ZBTB20: variants seen among roughly 807,000 people sequenced by gnomAD.
ZBTB20 encodes the protein zinc finger and BTB domain-containing protein 20.
Under a neutral mutation model 56.9 loss-of-function variants are expected in ZBTB20, and 9 were observed. The ratio of observed to expected loss-of-function variants is 0.16; its 90% confidence interval spans 0.10 to 0.28. The LOEUF is 0.28. Among genes scored for constraint, ZBTB20 ranks in the 10% least tolerant of loss-of-function variants. The pLI is 1.00. For missense variants in ZBTB20, 655 were observed against 1,003.0 expected (o/e 0.65, Z 4.69); for synonymous variants, 417 against 420.7 (o/e 0.99, Z 0.11).
At chr3:114,727,194 A>T (rs2065370643) in intron 5 of ZBTB20, among the ~76,000 whole-genome samples, 1 of 152,122 alleles carries the variant, frequency 6.6e-6, no homozygotes, top group Non-Finnish European at 1.5e-5. Context: ...GATCAAAAGG[A>T]GCCCAGGCCC....
At chr3:115,083,117 A>T (rs2082856754) in intron 1 of ZBTB20, among the ~76,000 whole-genome samples, 1 of 152,032 alleles carries the variant, frequency 6.6e-6, no homozygotes, top group African/African-American at 2.4e-5. Context: ...AGCTACATAT[A>T]ACTCTTATCT....
chr3:114,857,072 T>C (rs945069157), intron 4 of ZBTB20, among the ~76,000 whole-genome samples: 11 of 152,166 alleles, frequency 7.2e-5, no homozygotes, highest in Admixed American at 5.9e-4. Context: ...TTCCACTTCC[T>C]GATTCTTTTC....
intron 7 of ZBTB20, among the ~76,000 whole-genome samples, chr3:114,458,709 G>T (rs1202425447): frequency 6.6e-6 from 1 of 151,400 alleles, no homozygotes; most frequent in South Asian, 2.1e-4. Flanking sequence ...CCATTTATTA[G>T]CTCTGACTTA....
At chr3:115,120,998 G>C (rs762797457) in intron 1 of ZBTB20, among the ~76,000 whole-genome samples, 3 of 152,062 alleles carry the variant, frequency 2.0e-5, no homozygotes, top group Non-Finnish European at 4.4e-5. Flanking sequence ...GAATCAACAG[G>C]AAGTGATGAC....
chr3:115,069,052 A>C (rs2082310118), intron 2 of ZBTB20, among the ~76,000 whole-genome samples: 1 of 152,148 alleles, frequency 6.6e-6, no homozygotes, highest in African/African-American at 2.4e-5. Flanking sequence ...GGAGGAAAAC[A>C]GGATATGAAA....
At chr3:114,779,924 G>A (rs2069942648) in intron 5 of ZBTB20, among the ~76,000 whole-genome samples, 1 of 152,054 alleles carries the variant, frequency 6.6e-6, no homozygotes, top group African/African-American at 2.4e-5. Context: ...GGTCTTCAAA[G>A]TGGGTAGATT....
rs542194833 is a variant in ZBTB20 at position 115,099,285 on chromosome 3, C to T, written c.-702-27871G>A. Reference sequence around the variant, plus strand: ...TTGTTGTGCAAGATGGCCTGATACACTTCATAGCTTCCACTTTGTAAAAAG... The same window carrying T: ...TTGTTGTGCAAGATGGCCTGATACATTTCATAGCTTCCACTTTGTAAAAAG... On this transcript the variant is annotated intron_variant, in intron 1 of 11. Coordinates refer to ENST00000675478, the MANE Select transcript of ZBTB20 (RefSeq NM_001348800.3). 3.3e-5 allele frequency among the ~76,000 whole-genome samples: 5 copies of T among 152,236 alleles called. No homozygotes were observed. The East Asian group carries it at 5.8e-4, about 18-fold the overall frequency.
intron 6 of ZBTB20, among the ~76,000 whole-genome samples, chr3:114,504,363 A>G (rs2044353285): frequency 6.6e-6 from 1 of 152,160 alleles, no homozygotes; most frequent in Admixed American, 6.5e-5. Context: ...AAATTTGGAT[A>G]TGAGTATACC....
intron 6 of ZBTB20, chr3:114,688,194 CA>C (rs1449177890): frequency 1.3e-5 from 2 of 152,124 alleles, no homozygotes; most frequent in African/African-American, 4.8e-5. Context: ...TGCACCACTG[CA>C]ATCCAGCCTG....
intron 7 of ZBTB20, among the ~76,000 whole-genome samples, chr3:114,434,867 G>A (rs2090407096): frequency 6.6e-6 from 1 of 152,084 alleles, no homozygotes; most frequent in Non-Finnish European, 1.5e-5. Flanking sequence ...CAGGTGGGAG[G>A]CAATCCCATA....
chr3:114,659,250 C>A (rs957395794), intron 6 of ZBTB20, among the ~76,000 whole-genome samples: 4 of 152,146 alleles, frequency 2.6e-5, no homozygotes, highest in African/African-American at 9.7e-5. Flanking sequence ...GTTCTCACTG[C>A]CTTATCTAAC....
chr3:114,907,636 T>C (rs1443505308), intron 3 of ZBTB20, among the ~76,000 whole-genome samples: 2 of 151,904 alleles, frequency 1.3e-5, no homozygotes, highest in Non-Finnish European at 2.9e-5. Flanking sequence ...GACCATCGTC[T>C]TCATGAGGGC....
chr3:115,005,773 C>G (rs2079440537), intron 2 of ZBTB20, among the ~76,000 whole-genome samples: 1 of 151,780 alleles, frequency 6.6e-6, no homozygotes, highest in Non-Finnish European at 1.5e-5. Flanking sequence ...TATTCACCTT[C>G]TAACTGGATT....
At chr3:114,611,045 CA>C (rs1295477840) in intron 6 of ZBTB20, among the ~76,000 whole-genome samples, 2 of 152,118 alleles carry the variant, frequency 1.3e-5, no homozygotes, top group African/African-American at 4.8e-5. Flanking sequence ...GCAAGTTAAC[CA>C]GCGCTGTTTC....
At chr3:114,877,828 G>A (rs894173755) in intron 4 of ZBTB20, among the ~76,000 whole-genome samples, 2 of 151,134 alleles carry the variant, frequency 1.3e-5, no homozygotes, top group African/African-American at 4.9e-5. Context: ...CTCTTTATTA[G>A]ACAGCATCTA....
At chr3:114,775,930 A>G (rs189269530) in intron 5 of ZBTB20, among the ~76,000 whole-genome samples, 4 of 152,262 alleles carry the variant, frequency 2.6e-5, no homozygotes, top group Admixed American at 6.5e-5. Flanking sequence ...ATTATGTAAA[A>G]TCTACAAATC....
chr3:115,146,285 A>G (rs1377036739), intron 1 of ZBTB20, among the ~76,000 whole-genome samples: 21 of 149,382 alleles, frequency 1.4e-4, no homozygotes, highest in Non-Finnish European at 1.8e-4. Flanking sequence ...TGCCTAGCAT[A>G]TGTTTGTGCA....
At chr3:114,722,430 GA>G (rs995602334) in intron 5 of ZBTB20, among the ~76,000 whole-genome samples, 7 of 151,572 alleles carry the variant, frequency 4.6e-5, no homozygotes, top group African/African-American at 1.5e-4. Context: ...GAAGACCTAA[GA>G]AAAAAAATCT....
chr3:115,024,110 G>C (rs2080316526), intron 2 of ZBTB20, among the ~76,000 whole-genome samples: 1 of 151,094 alleles, frequency 6.6e-6, no homozygotes, highest in Admixed American at 6.6e-5. Flanking sequence ...GAGGACTACT[G>C]TTGGCAGAAA....
Sources: allele counts gnomAD v4.1 joint callset (sites outside exome capture counted in the v4.1 genomes callset), GRCh38; gene constraint gnomAD v4.1.1; transcripts MANE v1.5; gene names NCBI Gene and HGNC (gene_info 2026-07-23, HGNC 2026-07-21).